Variants in LPP observed in about 807,000 individuals in gnomAD.
The protein encoded by LPP is lipoma-preferred partner.
In LPP, 38 loss-of-function variants were observed where a neutral mutation model predicts 60.4. The observed-to-expected ratio is 0.63, with a 90% CI of 0.49 to 0.83. LPP has a LOEUF of 0.83. LPP is among the 40% of genes least tolerant of loss of function. The probability of loss-of-function intolerance (pLI) is 0.00; values close to 1 mark genes in which losing one functional copy is unlikely to be tolerated. For missense variants in LPP, 902 were observed against 783.6 expected (o/e 1.15, Z -1.80); for synonymous variants, 328 against 290.8 (o/e 1.13, Z -1.30).
intron 6 of LPP, among the ~76,000 whole-genome samples, chr3:188,560,495 G>C (rs1345204328): frequency 6.6e-6 from 1 of 152,058 alleles, no homozygotes; most frequent in Non-Finnish European, 1.5e-5. Context: ...GGTTCCAGTA[G>C]TCCTGGCTTC....
chr3:188,588,271 T>C (rs1473067382), intron 6 of LPP, among the ~76,000 whole-genome samples: 1 of 152,148 alleles, frequency 6.6e-6, no homozygotes, highest in Non-Finnish European at 1.5e-5. Flanking sequence ...TCCTTACTCT[T>C]AATGAAAAAA....
At chr3:188,858,546 T>C (rs1339070419) in intron 9 of LPP, among the ~76,000 whole-genome samples, 1 of 152,156 alleles carries the variant, frequency 6.6e-6, no homozygotes, top group Non-Finnish European at 1.5e-5. Flanking sequence ...TGCTTAAGAA[T>C]AAAAAACAGG....
At position 188,690,606 on chromosome 3, in the gene LPP, G is replaced by A. The variant is rs1056554416; in HGVS notation, c.1114-17661G>A. ...ATTTTAAAGGATGATAAATAGCTGT[G>A]TAAAATGTAGATGGGTTCTATAAAT... On this transcript the variant is annotated intron_variant, in intron 7 of 11. Transcript: ENST00000617246. 3.9e-5 allele frequency among the ~76,000 whole-genome samples: 6 copies of A among 152,176 alleles called. No individual in the cohort carries two copies. The East Asian group carries it at 1.2e-3, about 29-fold the overall frequency.
At chr3:188,539,685 C>A (rs901269037) in intron 6 of LPP, among the ~76,000 whole-genome samples, 2 of 152,130 alleles carry the variant, frequency 1.3e-5, no homozygotes, top group Non-Finnish European at 2.9e-5. Context: ...ATGAGGACCA[C>A]AAGGAATAAT....
chr3:188,742,518 C>T (rs1449998465), intron 8 of LPP, among the ~76,000 whole-genome samples: 1 of 151,958 alleles, frequency 6.6e-6, no homozygotes, highest in Non-Finnish European at 1.5e-5. Flanking sequence ...AAATATGATG[C>T]TGAATAAAAG....
intron 6 of LPP, among the ~76,000 whole-genome samples, chr3:188,557,348 A>C (rs1432654180): frequency 6.6e-6 from 1 of 152,088 alleles, no homozygotes; most frequent in Non-Finnish European, 1.5e-5. Flanking sequence ...TGCAAATCTA[A>C]ATCAAGCACC....
chr3:188,400,022 A>G (rs958795075), intron 3 of LPP, among the ~76,000 whole-genome samples: 5 of 152,078 alleles, frequency 3.3e-5, no homozygotes, highest in African/African-American at 9.7e-5. Flanking sequence ...TGGTCATCAC[A>G]TAGCCTTTTG....
At chr3:188,424,454 A>G (rs1036148049) in intron 4 of LPP, among the ~76,000 whole-genome samples, 2 of 152,076 alleles carry the variant, frequency 1.3e-5, no homozygotes, top group Admixed American at 1.3e-4. Context: ...TTTTGGTTCC[A>G]TGTGAAATTT....
chr3:188,498,853 A>G (rs866550951), intron 5 of LPP, among the ~76,000 whole-genome samples: 167 of 152,164 alleles, frequency 1.1e-3, no homozygotes, highest in African/African-American at 3.8e-3. Context: ...TAATGGGTGC[A>G]GAGTGATAGC....
intron 2 of LPP, among the ~76,000 whole-genome samples, chr3:188,241,800 A>T (rs993622350): frequency 6.6e-6 from 1 of 152,178 alleles, no homozygotes; most frequent in Admixed American, 6.5e-5. Flanking sequence ...TTGTTTTTCT[A>T]GAAAGAGTTT....
chr3:188,595,588 A>G (rs1193152396), intron 6 of LPP, among the ~76,000 whole-genome samples: 2 of 152,356 alleles, frequency 1.3e-5, no homozygotes, highest in South Asian at 4.1e-4. Context: ...AAGAGAAAAC[A>G]TAATTTTTTA....
At chr3:188,655,919 G>T (rs1853095451) in intron 7 of LPP, among the ~76,000 whole-genome samples, 1 of 152,036 alleles carries the variant, frequency 6.6e-6, no homozygotes, top group South Asian at 2.1e-4. Flanking sequence ...GCCAGTTGCG[G>T]TGGCTCACAA....
At chr3:188,649,116 A>G (rs947925486) in intron 7 of LPP, among the ~76,000 whole-genome samples, 9 of 152,342 alleles carry the variant, frequency 5.9e-5, no homozygotes, top group South Asian at 2.1e-4. Context: ...AGGATATTCC[A>G]TATTTTAAGT....
intron 7 of LPP, among the ~76,000 whole-genome samples, chr3:188,685,157 C>T (rs1446815478): frequency 6.6e-6 from 1 of 152,186 alleles, no homozygotes; most frequent in Non-Finnish European, 1.5e-5. Context: ...TGGTGCAAGA[C>T]AGTGGGCTCT....
At position 188,407,771 on chromosome 3, in the gene LPP, T is replaced by TTTTG. The variant is rs1249327553; in HGVS notation, c.193+1461_193+1462insGTTT. On this transcript the variant is annotated intron_variant, in intron 4 of 11. Transcript: ENST00000617246. ...TATGTTGGCTTCCTCATTTATGGTT[T>TTTTG]TTTTTTTTGTTTGTTTGTTTTTTTT... Among the ~76,000 whole-genome samples the TTTTG allele has an allele frequency of 2.7e-3, 89 of 33,356 alleles. 3 individuals are homozygous for TTTTG. Among genetic ancestry groups the TTTTG allele is most frequent in the South Asian group, 0.014 (5 of 348 alleles). The allele number at this position is 33,356 out of a possible 152,430, so 21.9% of individuals were successfully genotyped here. A position where few individuals can be genotyped will look rare whatever the true frequency, so the allele number is the denominator to read the frequency against.
chr3:188,855,923 T>G (rs35687668), intron 9 of LPP, among the ~76,000 whole-genome samples: 15,506 of 152,256 alleles, frequency 0.1, 1,046 homozygotes, highest in Middle Eastern at 0.16. Context: ...ACAGAGTCTC[T>G]GTAACCATCT....
At chr3:188,825,663 A>G (rs1252743912) in intron 9 of LPP, among the ~76,000 whole-genome samples, 1 of 152,060 alleles carries the variant, frequency 6.6e-6, no homozygotes, top group Non-Finnish European at 1.5e-5. Context: ...CAGGGTCACC[A>G]CAGCCTTAAC....
At chr3:188,648,942 C>A (rs925557240) in intron 7 of LPP, among the ~76,000 whole-genome samples, 1 of 152,128 alleles carries the variant, frequency 6.6e-6, no homozygotes, top group Non-Finnish European at 1.5e-5. Flanking sequence ...AAGGTTTTTC[C>A]TCTTTTCTGT....
rs1729156952 is a variant in LPP at position 188,250,818 on chromosome 3, CTT to C, written c.-67+25293_-67+25294del. Among the ~76,000 whole-genome samples the C allele has an allele frequency of 1.3e-4, 19 of 141,582 alleles. 1 individual carries two copies. Among genetic ancestry groups the C allele is most frequent in the African/African-American group, 5.1e-4 (19 of 37,008 alleles). The allele number at this position is 141,582 out of a possible 152,430, so 92.9% of individuals were successfully genotyped here. A position where few individuals can be genotyped will look rare whatever the true frequency, so the allele number is the denominator to read the frequency against. On this transcript the variant is annotated intron_variant, in intron 2 of 11. Transcript: ENST00000617246. ...TCTCTTTCTTTCTTTCTCTTTCTTT[CTT>C]TCTTTTTCTTTCTTTCTTTTCTTTT... is the stretch of plus-strand genomic sequence containing the variant.
Sources: gnomAD v4.1 joint callset for allele counts (sites outside exome capture counted in the v4.1 genomes callset) on GRCh38, gnomAD v4.1.1 for gene constraint, MANE v1.5 for transcripts, NCBI Gene and HGNC (gene_info 2026-07-23, HGNC 2026-07-21) for gene names.